The following DDX6 variants were observed in gnomAD, a reference collection of about 807,000 sequenced individuals.
DDX6 encodes DEAD-box helicase 6.
A neutral mutation model predicts 60.6 loss-of-function variants in DDX6; 7 were observed. The ratio of observed to expected loss-of-function variants is 0.12; its 90% CI spans 0.07 to 0.22. The LOEUF is 0.22. Among genes scored for constraint, DDX6 ranks in the 10% least tolerant of loss-of-function variants. The pLI is 1.00. For missense variants in DDX6, 270 were observed against 589.9 expected (o/e 0.46, Z 5.62); for synonymous variants, 207 against 201.0 (o/e 1.03, Z -0.25).
intron 8 of DDX6, 197 bp from the exon 9 acceptor site, chr11:118,759,099 AC>A (rs1321953494): frequency 3.2e-6 from 2 of 619,288 alleles, no homozygotes; most frequent in Non-Finnish European, 5.1e-6. Context: ...TTGCTCTGTC[AC>A]CCAGGCTGGA....
At chr11:118,782,312 G>A (rs1418630351) in intron 2 of DDX6, among the ~76,000 whole-genome samples, 1 of 151,864 alleles carries the variant, frequency 6.6e-6, no homozygotes, top group Non-Finnish European at 1.5e-5. Context: ...TATTGGAAAT[G>A]CTAGAAATCA....
chr11:118,778,117 T>C (rs1466822126), intron 4 of DDX6, among the ~76,000 whole-genome samples: 6 of 152,036 alleles, frequency 3.9e-5, no homozygotes, highest in African/African-American at 1.2e-4. Context: ...TTCTTCTTTA[T>C]AGGGGCAAAT....
chr11:118,753,298 G>A lies in DDX6; in HGVS notation c.*8-1201C>T, dbSNP rs891495087. On this transcript the variant is annotated intron_variant, in intron 13 of 13. Transcript: ENST00000534980. ...ACCCACCTCGGCCTCCCAAAGTGCTGGGATTACAGGTGTGAGCCACTGAGC... is the reference window on the plus strand; with the variant it reads ...ACCCACCTCGGCCTCCCAAAGTGCTAGGATTACAGGTGTGAGCCACTGAGC... Among the ~76,000 whole-genome samples the A allele has an allele frequency of 1.3e-4, 20 of 150,346 alleles. 2 individuals carry two copies. The highest frequency in any genetic ancestry group is 1.2e-3 in the Admixed American group (18 of 15,088).
At chr11:118,774,464 C>CTTTTTT (rs11442846) in intron 4 of DDX6, among the ~76,000 whole-genome samples, 5 of 116,424 alleles carry the variant, frequency 4.3e-5, no homozygotes, top group Admixed American at 9.7e-5. Flanking sequence ...CTCTAACAGT[C>CTTTTTT]TTTTTTTTTT....
intron 2 of DDX6, among the ~76,000 whole-genome samples, chr11:118,784,534 C>A (rs1228388288): frequency 2.0e-5 from 3 of 151,396 alleles, no homozygotes; most frequent in East Asian, 3.9e-4. Flanking sequence ...TCTTGGCTCT[C>A]TGCAACCTCC....
Position 118,756,285 on chromosome 11 carries a change from G to C in DDX6, c.1149C>G (p.Gly383=), listed in dbSNP as rs1555158923. 1.2e-6 allele frequency: 2 copies of C among 1,613,432 alleles called. No individual in the cohort carries two copies. Among genetic ancestry groups the C allele is most frequent in the East Asian group, 4.5e-5 (2 of 44,862 alleles). Reference sequence around the variant, plus strand: ...CAGTGCAAACAAGATTGCGGCATAAGCCATTTCGGAAATCATGAAATACAC... The same window carrying C: ...CAGTGCAAACAAGATTGCGGCATAACCCATTTCGGAAATCATGAAATACAC... ...RNRVFHDFRN[G]LCRNLVCTDL... is the part of the protein sequence containing the mutation. The change falls in exon 11 of 14, where the codon GGC becomes GGG. Residue 383 remains glycine, a synonymous_variant. Transcript: ENST00000534980.
chr11:118,763,852 AAAAG>A (rs1555160809), intron 6 of DDX6, among the ~76,000 whole-genome samples: 98 of 146,390 alleles, frequency 6.7e-4, no homozygotes, highest in Admixed American at 1.2e-3. Context: ...AAAAAAAAAA[AAAAG>A]AAAGAAAGAG....
In DDX6 at chr11:118,781,259, TTAAG is replaced by T. The variant is rs532362670; in HGVS notation, c.201-79_201-76del. ...CAAAGATGATTCATCTCAATTATAATTAAGTGTTAAAAAAGCACAGTAAGTTTAA... is the reference window on the plus strand; with the variant it reads ...CAAAGATGATTCATCTCAATTATAATTGTTAAAAAAGCACAGTAAGTTTAA... On this transcript the variant is annotated intron_variant, in intron 2 of 13. Coordinates refer to ENST00000534980, the MANE Select transcript of DDX6 (RefSeq NM_004397.6). The T allele has an allele frequency of 5.2e-4, 481 of 929,054 alleles. 1 individual carries two copies. Among genetic ancestry groups the T allele is most frequent in the Middle Eastern group, 4.8e-3 (22 of 4,580 alleles). 57.6% of individuals were successfully genotyped at this position (929,054 alleles called of 1,614,324 possible).
rs573544016 is a variant in DDX6 at position 118,758,589 on chromosome 11, T to C, written c.993+185A>G. Among the ~76,000 whole-genome samples the C allele has an allele frequency of 5.3e-5, 8 of 152,248 alleles. No individual in the cohort carries two copies. In the South Asian group the frequency reaches 1.7e-3, roughly 32 times the overall value. On this transcript the variant is annotated intron_variant, in intron 9 of 13. Transcript: ENST00000534980. The stretch of plus-strand genomic sequence containing the variant: ...GGTTTCACCATGTTGGCCAGGCTGG[T>C]CTCAAACTCCTGACCTCGTGATCTG...
chr11:118,777,947 ACAT>A (rs1421956812), intron 4 of DDX6, among the ~76,000 whole-genome samples: 2 of 151,478 alleles, frequency 1.3e-5, no homozygotes, highest in African/African-American at 4.8e-5. Flanking sequence ...TGAAGGGGAC[ACAT>A]CATAAAAACA....
rs1860795739 is a variant in DDX6, at chr11:118,752,116, C to T, written c.*8-19G>A. On this transcript the variant is annotated intron_variant, in intron 13 of 13. Coordinates refer to ENST00000534980, the MANE Select transcript of DDX6 (RefSeq NM_004397.6). The stretch of plus-strand genomic sequence containing the variant: ...TCAAAGCCTACAGAAGAAGAGAATA[C>T]AAAATTAACATTCTGAAAGCAACAC... 9.2e-6 allele frequency: 2 copies of T among 217,200 alleles called. No homozygotes were observed. Among genetic ancestry groups the T allele is most frequent in the Middle Eastern group, 5.0e-4 (1 of 2,010 alleles). The allele number at this position is 217,200 out of a possible 1,614,324, so 13.5% of individuals were successfully genotyped here.
At chr11:118,755,021 T>G in intron 12 of DDX6, 134 bp from the exon 13 acceptor site, 1 of 796,442 alleles carries the variant, frequency 1.3e-6, no homozygotes, top group East Asian at 2.7e-5. Flanking sequence ...CAAAACAACT[T>G]CTTAATGGTC....
intron 4 of DDX6, among the ~76,000 whole-genome samples, chr11:118,770,434 A>C (rs1861499082): frequency 6.6e-6 from 1 of 152,162 alleles, no homozygotes; most frequent in African/African-American, 2.4e-5. Context: ...AACAAACAAA[A>C]AACAGCTTTA....
rs1394486838 is a variant in DDX6, at chr11:118,750,830, C to T, written c.*1275G>A. 2.0e-5 allele frequency: 3 copies of T among 152,304 alleles called. No homozygotes were observed. Among genetic ancestry groups the T allele is most frequent in the Admixed American group, 6.6e-5 (1 of 15,230 alleles). The allele number at this position is 152,304 out of a possible 1,614,324, so 9.4% of individuals were successfully genotyped here. On this transcript the variant is annotated 3_prime_UTR_variant, in exon 14 of 14. Transcript: ENST00000534980. The stretch of plus-strand genomic sequence containing the variant: ...AAGCTTCCTTGCTCTCTCTGGTAAA[C>T]CTACTCCAAAGGTACTAGATGAGAC...
chr11:118,758,010 CAG>C (rs1193999289), intron 9 of DDX6, among the ~76,000 whole-genome samples: 1 of 152,118 alleles, frequency 6.6e-6, no homozygotes, highest in Non-Finnish European at 1.5e-5. Context: ...AAAAACATGG[CAG>C]ACTGTGAAAA....
chr11:118,764,412 G>GT (rs56067121), intron 6 of DDX6, among the ~76,000 whole-genome samples: 152,268 of 152,268 alleles, frequency 1, 76,134 homozygotes, highest in Non-Finnish European at 1. Context: ...TTCTAAGTTG[G>GT]CCAATTTTTC....
At chr11:118,757,811 G>C (rs1446624070) in intron 9 of DDX6, among the ~76,000 whole-genome samples, 2 of 152,024 alleles carry the variant, frequency 1.3e-5, no homozygotes, top group Non-Finnish European at 2.9e-5. Context: ...GGCTGGTCTT[G>C]AACTCTTGAC....
intron 4 of DDX6, among the ~76,000 whole-genome samples, chr11:118,778,973 T>C (rs904402797): frequency 9.9e-5 from 15 of 151,880 alleles, no homozygotes; most frequent in Non-Finnish European, 1.2e-4. Flanking sequence ...CTGGATAACA[T>C]AGCAAAATCC....
Position 118,759,929 on chromosome 11 carries a change from T to TTC in DDX6, c.855_856dup (p.Lys286ArgfsTer4). On this transcript the variant is annotated frameshift_variant, in exon 8 of 14. Coordinates refer to ENST00000534980, the MANE Select transcript of DDX6 (RefSeq NM_004397.6). LOFTEE classifies it high-confidence loss of function. ...GTACAGATTTATACTCACCATGAAC[T>TTC]TCTGTACACTAAGAGGGAAAGTAGC... is the stretch of plus-strand genomic sequence containing the variant. 6.2e-7 allele frequency: 1 copy of TTC among 1,613,320 alleles called. No individual in the cohort carries two copies. The highest frequency in any genetic ancestry group is 8.5e-7 in the Non-Finnish European group (1 of 1,179,698).
Sources: gnomAD v4.1 joint callset for allele counts (sites outside exome capture counted in the v4.1 genomes callset) on GRCh38, gnomAD v4.1.1 for gene constraint, MANE v1.5 for transcripts, NCBI Gene and HGNC (gene_info 2026-07-23, HGNC 2026-07-21) for gene names.